Variants in SOCS2 observed in about 807,000 individuals in gnomAD.
SOCS2 encodes CIS-2.
In SOCS2, 10 loss-of-function variants were observed where a neutral mutation model predicts 18.6. The observed-to-expected ratio is 0.54, with a 90% CI of 0.33 to 0.91. The LOEUF (loss-of-function observed/expected upper bound fraction) is 0.91, where lower values mean the gene tolerates loss of function less well. Ranked by LOEUF, SOCS2 falls within the 40% of genes least tolerant of loss-of-function variation. SOCS2 has a pLI of 0.02. For synonymous variants in SOCS2, 104 were observed against 104.0 expected (o/e 1.00, Z 0.00); for missense variants, 231 against 247.2 (o/e 0.93, Z 0.44).
chr12:93,619,429 A>G, the SOCS2 span, among the ~76,000 whole-genome samples: 1 of 152,196 alleles, frequency 6.6e-6, no homozygotes, highest in Non-Finnish European at 1.5e-5. Flanking sequence ...TGCTTGCTAC[A>G]TAGGTGCTCC....
intron 1 of SOCS2, chr12:93,573,358 G>T (rs1188985491): frequency 2.0e-6 from 1 of 503,242 alleles, no homozygotes; most frequent in African/African-American, 2.0e-5. Context: ...CGGGGAAAGC[G>T]TCGGGCGCCT....
downstream of SOCS2, among the ~76,000 whole-genome samples, chr12:93,583,716 A>C (rs1565845446): frequency 6.6e-6 from 1 of 152,240 alleles, no homozygotes; most frequent in African/African-American, 2.4e-5. Context: ...CGTGACAGGC[A>C]ACCATTCTAT....
Position 93,573,084 on chromosome 12 carries a change from AAGGAAGCAGCT to A in SOCS2, c.139+56_139+66del, listed in dbSNP as rs544632983. 493 of 1,542,094 alleles carry A rather than the reference AAGGAAGCAGCT, an allele frequency of 3.2e-4. 1 individual carries two copies. The African/African-American group carries it at 6.3e-3, about 20-fold the overall frequency. On this transcript the variant is annotated intron_variant, in intron 1 of 1. Transcript: ENST00000551556. ...CGCGTGCGGGAGGGAGCGCCTCCCCAAGGAAGCAGCTAGGAAGCGGGGTCGAGGTGGGAAGC... is the reference window on the plus strand; with the variant it reads ...CGCGTGCGGGAGGGAGCGCCTCCCCAAGGAAGCGGGGTCGAGGTGGGAAGC...
chr12:93,579,885 T>C (rs1343039822), downstream of SOCS2, among the ~76,000 whole-genome samples: 1 of 152,196 alleles, frequency 6.6e-6, no homozygotes, highest in Non-Finnish European at 1.5e-5. Context: ...TAAACATGCA[T>C]TTGTAAAGAT....
At chr12:93,571,967 G>C (rs898593848), upstream of SOCS2, 1 of 313,962 alleles carries the variant, frequency 3.2e-6, no homozygotes, top group African/African-American at 2.3e-5. Context: ...GCGACCGCCC[G>C]CTCGGCCCCG....
chr12:93,618,705 C>G, the SOCS2 span, among the ~76,000 whole-genome samples: 1 of 152,222 alleles, frequency 6.6e-6, no homozygotes, highest in Admixed American at 6.5e-5. Context: ...CTCGAGTAGC[C>G]CCTCTCAGCC....
At chr12:93,592,721 T>G in the SOCS2 span, among the ~76,000 whole-genome samples, 1 of 152,210 alleles carries the variant, frequency 6.6e-6, no homozygotes, top group Non-Finnish European at 1.5e-5. Flanking sequence ...CTTGTTTATT[T>G]GCTAATTAAT....
At chr12:93,624,737 C>G in the SOCS2 span, among the ~76,000 whole-genome samples, 2 of 152,240 alleles carry the variant, frequency 1.3e-5, no homozygotes, top group East Asian at 3.9e-4. Context: ...TCAGAAATTG[C>G]TGGAACCCAT....
chr12:93,606,735 C>A, the SOCS2 span, among the ~76,000 whole-genome samples: 3 of 152,178 alleles, frequency 2.0e-5, no homozygotes, highest in African/African-American at 7.2e-5. Context: ...TCACTGCAAC[C>A]TCTGCCTCCC....
the SOCS2 span, among the ~76,000 whole-genome samples, chr12:93,590,160 G>A: frequency 7.2e-5 from 11 of 152,102 alleles, no homozygotes; most frequent in East Asian, 9.7e-4. Context: ...GCTTGAACCC[G>A]GTAGGTGGAG....
At chr12:93,619,745 A>G in the SOCS2 span, among the ~76,000 whole-genome samples, 155 of 152,220 alleles carry the variant, frequency 1.0e-3, 1 homozygote, top group Non-Finnish European at 1.9e-3. Flanking sequence ...ATTACACTAA[A>G]CATATATTGC....
At chr12:93,594,152 G>C in the SOCS2 span, among the ~76,000 whole-genome samples, 1 of 152,062 alleles carries the variant, frequency 6.6e-6, no homozygotes, top group Non-Finnish European at 1.5e-5. Context: ...AGAACAAATC[G>C]GTTTCTCAGT....
chr12:93,596,832 A>AAAC, the SOCS2 span, among the ~76,000 whole-genome samples: 29 of 152,086 alleles, frequency 1.9e-4, no homozygotes, highest in African/African-American at 3.4e-4. Flanking sequence ...TGTCTCAAAC[A>AAAC]AACAACAACA....
chr12:93,603,976 T>C, the SOCS2 span, among the ~76,000 whole-genome samples: 27 of 152,194 alleles, frequency 1.8e-4, no homozygotes, highest in Non-Finnish European at 3.4e-4. Context: ...GTAAATGGCA[T>C]ATGGAAAACA....
At chr12:93,602,800 A>G in the SOCS2 span, among the ~76,000 whole-genome samples, 2 of 152,172 alleles carry the variant, frequency 1.3e-5, no homozygotes, top group Non-Finnish European at 2.9e-5. Flanking sequence ...ATCCACTAAG[A>G]TACTCACCTT....
chr12:93,575,010 C>A lies in SOCS2; in HGVS notation c.428C>A (p.Pro143His), dbSNP rs767873437. The change falls in exon 2 of 2, where the codon CCC becomes CAC. Residue 143 changes from proline (P) to histidine (H), a missense_variant. Coordinates refer to ENST00000551556, the MANE Select transcript of SOCS2 (RefSeq NM_001270471.2). ...GATAAGCGGACAGGTCCAGAAGCCCCCCGGAACGGCACTGTTCACCTTTAT... is the reference window on the plus strand; with the variant it reads ...GATAAGCGGACAGGTCCAGAAGCCCACCGGAACGGCACTGTTCACCTTTAT... ...CKDKRTGPEAPRNGTVHLYLT... is the reference protein window; with the variant it reads ...CKDKRTGPEAHRNGTVHLYLT... 4.3e-6 allele frequency: 7 copies of A among 1,613,998 alleles called. No individual in the cohort carries two copies. In the South Asian group the frequency reaches 7.7e-5, roughly 18 times the overall value.
the SOCS2 span, among the ~76,000 whole-genome samples, chr12:93,606,214 G>A: frequency 1.3e-5 from 2 of 152,162 alleles, no homozygotes; most frequent in South Asian, 4.1e-4. Flanking sequence ...GGAAAGCTGG[G>A]AAATTTGGTC....
the SOCS2 span, among the ~76,000 whole-genome samples, chr12:93,620,498 C>A: frequency 6.6e-6 from 1 of 152,174 alleles, no homozygotes; most frequent in African/African-American, 2.4e-5. Flanking sequence ...TCACTGCAAC[C>A]TCCACCTGCC....
chr12:93,613,427 A>AAAAC, the SOCS2 span, among the ~76,000 whole-genome samples: 142 of 152,260 alleles, frequency 9.3e-4, 1 homozygote, highest in African/African-American at 2.9e-3. Context: ...ACCAAAAACA[A>AAAAC]AAACAAACAA....
Sources: gnomAD v4.1 joint callset for allele counts (sites outside exome capture counted in the v4.1 genomes callset) on GRCh38, gnomAD v4.1.1 for gene constraint, MANE v1.5 for transcripts, NCBI Gene and HGNC (gene_info 2026-07-23, HGNC 2026-07-21) for gene names.